LSM14A: variants seen among roughly 807,000 people sequenced by gnomAD.
LSM14A encodes LSM14A mRNA processing body assembly factor.
A neutral mutation model predicts 52.4 loss-of-function variants in LSM14A; 14 were observed. That is an observed-to-expected ratio of 0.27 (90% confidence interval 0.18 to 0.42). The LOEUF is 0.42. Among genes scored for constraint, LSM14A ranks in the 10% least tolerant of loss-of-function variants. LSM14A has a pLI of 1.00. For synonymous variants in LSM14A, 185 were observed against 200.3 expected (o/e 0.92, Z 0.64); for missense variants, 417 against 581.8 (o/e 0.72, Z 2.91).
At chr19:34,206,851 CAGA>C (rs747523300) in intron 3 of LSM14A, among the ~76,000 whole-genome samples, 3 of 152,262 alleles carry the variant, frequency 2.0e-5, no homozygotes, top group East Asian at 3.9e-4. Context: ...GCCAGCACTT[CAGA>C]AGAAGGATTG....
chr19:34,208,548 G>T (rs1204469051), intron 3 of LSM14A: 3 of 156,630 alleles, frequency 1.9e-5, no homozygotes, highest in Admixed American at 6.5e-5. Flanking sequence ...TGATTTGGCT[G>T]TTTGTCCAGA....
At chr19:34,184,809 G>A (rs1257040736) in intron 1 of LSM14A, among the ~76,000 whole-genome samples, 1 of 152,128 alleles carries the variant, frequency 6.6e-6, no homozygotes, top group African/African-American at 2.4e-5. Flanking sequence ...TGTTGACTTA[G>A]ATAAAACTGA....
Position 34,227,252 on chromosome 19 carries a change from G to T in LSM14A, c.1369-113G>T, listed in dbSNP as rs1416270389. ...GAGTGAGACAGGTTTTTCTATGAAA[G>T]TAAAAGTGGGGGAGTATATTTAAAG... is the stretch of plus-strand genomic sequence containing the variant. On this transcript the variant is annotated intron_variant, in intron 9 of 9. Transcript: ENST00000544216. 4.1e-6 allele frequency: 3 copies of T among 725,774 alleles called. No individual in the cohort carries two copies. The South Asian group carries it at 5.1e-5, about 12-fold the overall frequency. 45.0% of individuals were successfully genotyped at this position (725,774 alleles called of 1,614,324 possible).
chr19:34,224,666 T>C (rs2073247706), intron 9 of LSM14A, among the ~76,000 whole-genome samples: 2 of 152,212 alleles, frequency 1.3e-5, no homozygotes, highest in Admixed American at 1.3e-4. Flanking sequence ...GGATCCCACT[T>C]GATATATTTG....
chr19:34,196,994 A>G (rs2070887181), intron 3 of LSM14A, among the ~76,000 whole-genome samples: 1 of 152,050 alleles, frequency 6.6e-6, no homozygotes, highest in Admixed American at 6.6e-5. Context: ...TAGGTAAAAA[A>G]AAAATGGATA....
At chr19:34,208,856 C>A in intron 3 of LSM14A, 73 bp from the exon 4 acceptor site, 2 of 989,410 alleles carry the variant, frequency 2.0e-6, no homozygotes, top group Non-Finnish European at 1.5e-6. Flanking sequence ...TAAAATGCTG[C>A]ATTACTTTAT....
chr19:34,205,753 A>T (rs1208413943), intron 3 of LSM14A, among the ~76,000 whole-genome samples: 1 of 152,084 alleles, frequency 6.6e-6, no homozygotes, highest in Non-Finnish European at 1.5e-5. Flanking sequence ...CAAAAGTAGT[A>T]GAGGGGGAAG....
intron 4 of LSM14A, among the ~76,000 whole-genome samples, chr19:34,211,215 G>A (rs2072122172): frequency 6.6e-6 from 1 of 151,674 alleles, no homozygotes; most frequent in Non-Finnish European, 1.5e-5. Flanking sequence ...GCTGAGGTGG[G>A]AGAACCCGGG....
At chr19:34,207,196 C>G (rs778347998) in intron 3 of LSM14A, among the ~76,000 whole-genome samples, 4 of 152,038 alleles carry the variant, frequency 2.6e-5, no homozygotes, top group Admixed American at 2.6e-4. Context: ...CAGGAACTCA[C>G]GGAAGAGATT....
intron 1 of LSM14A, among the ~76,000 whole-genome samples, chr19:34,177,231 A>G (rs2069148055): frequency 6.6e-6 from 1 of 152,218 alleles, no homozygotes; most frequent in Non-Finnish European, 1.5e-5. Flanking sequence ...TAATGTAAAC[A>G]TGTTCATCAG....
chr19:34,221,551 A>C lies in LSM14A; in HGVS notation c.1181A>C (p.Glu394Ala). 1 of 1,614,172 alleles carries C rather than the reference A, an allele frequency of 6.2e-7. No individual in the cohort carries two copies. The highest frequency in any genetic ancestry group is 8.5e-7 in the Non-Finnish European group (1 of 1,180,024). The stretch of plus-strand genomic sequence containing the variant: ...GCTGAAGAAAGAAGATTAAATGCTG[A>C]AACATTTGGAATCCCACTTCGTCCA... ...TWAEERRLNA[E>A]TFGIPLRPNR... Residue 394 changes from glutamate (E) to alanine (A), a missense_variant, in exon 9 of 10, where the codon GAA becomes GCA. Glu to Ala is a moderately radical substitution (Grantham distance 107, BLOSUM62 -1). Around this residue, in one of 2 missense-constraint regions of LSM14A, gnomAD observed 357 missense variants for 457.0 expected, o/e 0.78. Transcript: ENST00000544216.
chr19:34,192,325 T>G (rs796662358), intron 1 of LSM14A, among the ~76,000 whole-genome samples: 5 of 88,510 alleles, frequency 5.6e-5, no homozygotes, highest in South Asian at 4.4e-4. Context: ...TGTTGTTTTT[T>G]TTTTTTTTTT....
At chr19:34,205,919 A>G (rs1369248436) in intron 3 of LSM14A, among the ~76,000 whole-genome samples, 3 of 152,274 alleles carry the variant, frequency 2.0e-5, no homozygotes, top group South Asian at 4.1e-4. Context: ...AGAAAGAACA[A>G]CCAAGCAAGT....
At chr19:34,179,482 T>C (rs948400628) in intron 1 of LSM14A, among the ~76,000 whole-genome samples, 10 of 152,206 alleles carry the variant, frequency 6.6e-5, no homozygotes, top group Admixed American at 6.5e-4. Context: ...CAGTTTCTTT[T>C]TGTTGCCCTA....
chr19:34,215,992 C>A (rs1007072056), intron 6 of LSM14A, among the ~76,000 whole-genome samples: 1 of 152,056 alleles, frequency 6.6e-6, no homozygotes. Flanking sequence ...CGATAATGTA[C>A]CATAATTATA....
chr19:34,211,223 G>A (rs766742251), intron 4 of LSM14A, among the ~76,000 whole-genome samples: 4 of 151,640 alleles, frequency 2.6e-5, no homozygotes, highest in South Asian at 2.1e-4. Flanking sequence ...GGGAGAACCC[G>A]GGAGGCAGAG....
At chr19:34,174,797 T>G (rs961675943) in intron 1 of LSM14A, among the ~76,000 whole-genome samples, 1 of 152,218 alleles carries the variant, frequency 6.6e-6, no homozygotes, top group Non-Finnish European at 1.5e-5. Context: ...TTAAAGTGGT[T>G]TAATAAATTT....
intron 4 of LSM14A, among the ~76,000 whole-genome samples, chr19:34,211,920 A>G (rs2072190870): frequency 6.6e-6 from 1 of 152,246 alleles, no homozygotes; most frequent in African/African-American, 2.4e-5. Flanking sequence ...TAAAATAAAC[A>G]TGGAAGTGTG....
intron 1 of LSM14A, among the ~76,000 whole-genome samples, chr19:34,176,973 G>A (rs1362358040): frequency 6.6e-6 from 1 of 152,192 alleles, no homozygotes; most frequent in African/African-American, 2.4e-5. Context: ...GCCAATCCTG[G>A]TGGGTATGTA....
Sources: allele counts gnomAD v4.1 joint callset (sites outside exome capture counted in the v4.1 genomes callset), GRCh38; gene constraint gnomAD v4.1.1; regional missense constraint gnomAD v4.1.1; transcripts MANE v1.5; gene names NCBI Gene and HGNC (gene_info 2026-07-23, HGNC 2026-07-21).